Variants in WDR86 observed in about 807,000 individuals in gnomAD.
WDR86 encodes the protein WD repeat-containing protein 86.
A neutral mutation model predicts 36.5 loss-of-function variants in WDR86; 30 were observed. The ratio of observed to expected loss-of-function variants is 0.82; its 90% CI spans 0.61 to 1.11. WDR86 has a LOEUF of 1.11. Ranked by LOEUF, WDR86 falls within the 50% of genes most tolerant of loss-of-function variation. WDR86 has a pLI of 0.00. For missense variants in WDR86, 545 were observed against 561.2 expected, an observed-to-expected ratio of 0.97 and a Z score of 0.29; for synonymous variants, 255 against 252.9, an observed-to-expected ratio of 1.01 and a Z score of -0.08.
At chr7:151,376,495 C>T (rs1408564519), downstream of WDR86, 9 of 818,806 alleles carry the variant, frequency 1.1e-5, no homozygotes, top group East Asian at 2.7e-5. Context: ...TGCACAGAAG[C>T]ATGACTTGTG....
At chr7:151,368,983 C>A in the WDR86 span, 1 of 1,266,658 alleles carries the variant, frequency 7.9e-7, no homozygotes, top group Non-Finnish European at 1.1e-6. Context: ...CTTTATTACT[C>A]CAGATTGGGA....
At position 151,409,397 on chromosome 7, in the gene WDR86, A is replaced by G; in HGVS notation, c.163+30T>C. 6.4e-7 allele frequency: 1 copy of G among 1,553,346 alleles called. No homozygotes were observed. Among genetic ancestry groups the G allele is most frequent in the Non-Finnish European group, 8.7e-7 (1 of 1,150,362 alleles). On this transcript the variant is annotated intron_variant, in intron 1 of 5. Transcript: ENST00000334493. The surrounding 1 kb of genome is among the most constrained non-coding windows in gnomAD (Gnocchi z 5.2). ...GTCTGGGGCCGGTGAGCTGCGGCGA[A>G]GAGGTCAGGGAGGGAGTGGGAGGGT...
Position 151,381,786 on chromosome 7 carries a change from G to A in WDR86, c.967-40C>T, listed in dbSNP as rs1798595869. ...GCGGGCGTCACCGGTGACGCGGTAG[G>A]CGGGGGGGACACCGCTGCCCGCGTG... On this transcript the variant is annotated intron_variant, in intron 5 of 5. Coordinates refer to ENST00000334493, the MANE Select transcript of WDR86 (RefSeq NM_198285.3). The surrounding 1 kb of genome is among the most constrained non-coding windows in gnomAD (Gnocchi z 4.8). 6.7e-7 allele frequency: 1 copy of A among 1,500,610 alleles called. No homozygotes were observed. The highest frequency in any genetic ancestry group is 8.9e-7 in the Non-Finnish European group (1 of 1,121,934). 93.0% of individuals were successfully genotyped at this position (1,500,610 alleles called of 1,614,324 possible).
rs1207697389 is a variant in WDR86, at chr7:151,395,920, A to G, written c.582T>C (p.Gly194=). ...TGTCTAGCACTAGGCACAGCACTGC[A>G]CCCGTGTGGCCCCGCAGCGTCTGGT... ...CCHQTLRGHT[G]AVLCLVLDTP... The change falls in exon 3 of 6, where the codon GGT becomes GGC. Residue 194 remains glycine (G), a synonymous_variant. Coordinates refer to ENST00000334493, the MANE Select transcript of WDR86 (RefSeq NM_198285.3). 1 of 1,599,044 alleles carries G rather than the reference A, an allele frequency of 6.3e-7. No homozygotes were observed. Among genetic ancestry groups the G allele is most frequent in the Non-Finnish European group, 8.5e-7 (1 of 1,176,106 alleles).
At chr7:151,398,270 TTG>T (rs755962457) in intron 2 of WDR86, among the ~76,000 whole-genome samples, 16 of 152,128 alleles carry the variant, frequency 1.1e-4, no homozygotes, top group Admixed American at 5.2e-4. Flanking sequence ...TGTGTGTAAG[TTG>T]TGTGTATGGG....
chr7:151,396,306 G>T, intron 2 of WDR86, 110 bp from the exon 3 acceptor site: 1 of 1,279,442 alleles, frequency 7.8e-7, no homozygotes, highest in Non-Finnish European at 1.1e-6. Flanking sequence ...CTCTCCCTGT[G>T]TCTGCCCAGC....
At chr7:151,377,462 C>CT (rs761929936), downstream of WDR86, 12 of 342,406 alleles carry the variant, frequency 3.5e-5, no homozygotes, top group Non-Finnish European at 5.3e-5. Context: ...GTCTGCGTCC[C>CT]TAACCCCTTC....
Position 151,387,487 on chromosome 7 carries a change from C to T in WDR86, c.727-2264G>A, listed in dbSNP as rs181590428. On this transcript the variant is annotated intron_variant, in intron 3 of 5. Transcript: ENST00000334493. ...CCCTCTAGCTGGTTTCCTGACAGGACAGGGAGAGCGGGGTGGCCCAGGGAG... is the reference window on the plus strand; with the variant it reads ...CCCTCTAGCTGGTTTCCTGACAGGATAGGGAGAGCGGGGTGGCCCAGGGAG... Among the ~76,000 whole-genome samples, 508 of 152,264 alleles carry T rather than the reference C, an allele frequency of 3.3e-3. 1 individual carries two copies. Among genetic ancestry groups the T allele is most frequent in the Middle Eastern group, 0.014 (4 of 294 alleles).
chr7:151,383,184 G>A (rs972205648), intron 4 of WDR86, among the ~76,000 whole-genome samples: 11 of 149,582 alleles, frequency 7.4e-5, no homozygotes, highest in South Asian at 2.2e-4. Context: ...GGGGTGGGGG[G>A]GGGGAGCTGG....
rs1799123867 is a variant in WDR86, at chr7:151,388,099, G to A, written c.727-2876C>T. 6.6e-6 allele frequency among the ~76,000 whole-genome samples: 1 copy of A among 152,218 alleles called. No individual in the cohort carries two copies. Among genetic ancestry groups the A allele is most frequent in the Non-Finnish European group, 1.5e-5 (1 of 68,042 alleles). On this transcript the variant is annotated intron_variant, in intron 3 of 5. Transcript: ENST00000334493. This position sits in a 1 kb window ranked among gnomAD's most constrained non-coding sequence, Gnocchi z 4.2. ...CAGGGTTGGGTGAGACTCATGAACT[G>A]GTACGACAGGGCTTTTGCAGCCAGA...
chr7:151,370,123 T>C, the WDR86 span, among the ~76,000 whole-genome samples: 3 of 151,700 alleles, frequency 2.0e-5, no homozygotes, highest in Non-Finnish European at 4.4e-5. Context: ...TTCCAGAGTC[T>C]CACTCTGTCA....
At position 151,385,314 on chromosome 7, in the gene WDR86, G is replaced by C. The variant is rs746689321; in HGVS notation, c.727-91C>G. 5.8e-6 allele frequency: 9 copies of C among 1,557,652 alleles called. No individual in the cohort carries two copies. The South Asian group carries it at 9.4e-5, about 16-fold the overall frequency. ...TATAAGGGGGGAAGGGGCATGTGCA[G>C]GTCTCAGTGGTGAAACCATGGGTGA... is the stretch of plus-strand genomic sequence containing the variant. On this transcript the variant is annotated intron_variant, in intron 3 of 5. Transcript: ENST00000334493.
At chr7:151,384,946 G>A in intron 4 of WDR86, 142 bp downstream of exon 4, 3 of 934,960 alleles carry the variant, frequency 3.2e-6, no homozygotes, top group Non-Finnish European at 4.7e-6. Context: ...GCACGGGTGT[G>A]TGGAGAAGGA....
chr7:151,406,493 C>T lies in WDR86; in HGVS notation c.163+2934G>A, dbSNP rs1346616875. Among the ~76,000 whole-genome samples the T allele has an allele frequency of 6.6e-6, 1 of 152,158 alleles. No homozygotes were observed. Among genetic ancestry groups the T allele is most frequent in the Non-Finnish European group, 1.5e-5 (1 of 68,030 alleles). On this transcript the variant is annotated intron_variant, in intron 1 of 5. Transcript: ENST00000334493. The surrounding 1 kb of genome is among the most constrained non-coding windows in gnomAD (Gnocchi z 4.4). ...TTGTGGGCCCAGAGCTGTGCAAGGGCCAGGACGGAACCAAAGTGGAAAGAG... is the reference window on the plus strand; with the variant it reads ...TTGTGGGCCCAGAGCTGTGCAAGGGTCAGGACGGAACCAAAGTGGAAAGAG...
In WDR86 at chr7:151,406,132, T is replaced by G. The variant is rs571493596; in HGVS notation, c.163+3295A>C. Among the ~76,000 whole-genome samples, 524 of 152,262 alleles carry G rather than the reference T, an allele frequency of 3.4e-3. 2 individuals are homozygous for G. The highest frequency in any genetic ancestry group is 0.014 in the Middle Eastern group (4 of 294). On this transcript the variant is annotated intron_variant, in intron 1 of 5. Coordinates refer to ENST00000334493, the MANE Select transcript of WDR86 (RefSeq NM_198285.3). This position sits in a 1 kb window ranked among gnomAD's most constrained non-coding sequence, Gnocchi z 4.4. ...TTCACTGTGAGCTCACCAACCGCAT[T>G]TGAAAGGCAATTCCGTGTATGAACA...
Position 151,405,003 on chromosome 7 carries a change from G to C in WDR86, c.163+4424C>G, listed in dbSNP as rs1800607493. On this transcript the variant is annotated intron_variant, in intron 1 of 5. Transcript: ENST00000334493. The surrounding 1 kb of genome is among the most constrained non-coding windows in gnomAD (Gnocchi z 4.7). The stretch of plus-strand genomic sequence containing the variant: ...CCACCCTGGAAGCCACACGGGGCAG[G>C]GATGGCACTGCTGACCTGGTTTGCT... Among the ~76,000 whole-genome samples the C allele has an allele frequency of 6.6e-6, 1 of 152,178 alleles. No individual in the cohort carries two copies. The highest frequency in any genetic ancestry group is 2.4e-5 in the African/African-American group (1 of 41,452).
intron 3 of WDR86, among the ~76,000 whole-genome samples, chr7:151,394,919 G>A (rs181082176): frequency 9.2e-5 from 14 of 152,330 alleles, no homozygotes; most frequent in Non-Finnish European, 1.9e-4. Context: ...GCCACCAGGC[G>A]TTTTCGTGCC....
chr7:151,402,724 G>T (rs1800432784), intron 1 of WDR86, among the ~76,000 whole-genome samples: 1 of 152,192 alleles, frequency 6.6e-6, no homozygotes, highest in African/African-American at 2.4e-5. Flanking sequence ...CCATGCCAGG[G>T]TGTCTGGGGT....
In WDR86 at chr7:151,381,293, GT is replaced by G. The variant is rs1798539713; in HGVS notation, c.*288del. 7.6e-7 allele frequency: 1 copy of G among 1,316,068 alleles called. No homozygotes were observed. The highest frequency in any genetic ancestry group is 4.2e-5 in the Admixed American group (1 of 24,070). The allele number at this position is 1,316,068 out of a possible 1,614,324, so 81.5% of individuals were successfully genotyped here. The stretch of plus-strand genomic sequence containing the variant: ...GGGCAGTCCGCCTGCAGCCCCTGAG[GT>G]GGGAGGGTCCCCAGGACTAGGCCTT... On this transcript the variant is annotated 3_prime_UTR_variant, in exon 6 of 6. Transcript: ENST00000334493. The surrounding 1 kb of genome is among the most constrained non-coding windows in gnomAD (Gnocchi z 4.8).
Sources: gnomAD v4.1 joint callset for allele counts (sites outside exome capture counted in the v4.1 genomes callset) on GRCh38, gnomAD v4.1.1 for gene constraint, Gnocchi (gnomAD v3.1) non-coding constraint, MANE v1.5 for transcripts, NCBI Gene and HGNC (gene_info 2026-07-23, HGNC 2026-07-21) for gene names.